Variants in ZNF536 observed in about 807,000 individuals in gnomAD.
ZNF536 encodes the protein zinc finger protein 536.
In ZNF536, 13 loss-of-function variants were observed where a neutral mutation model predicts 84.5. The observed-to-expected ratio is 0.15, with a 90% CI of 0.10 to 0.24. ZNF536 has a LOEUF of 0.24. Among genes scored for constraint, ZNF536 ranks in the 10% least tolerant of loss-of-function variants. The pLI, the probability that ZNF536 is intolerant of heterozygous loss-of-function variation, is 1.00. For missense variants in ZNF536, 1,536 were observed against 1,747.5 expected, an observed-to-expected ratio of 0.88 and a Z score of 2.16; for synonymous variants, 811 against 742.5, an observed-to-expected ratio of 1.09 and a Z score of -1.50.
At chr19:30,668,065 T>C (rs999480135) in intron 1 of ZNF536, among the ~76,000 whole-genome samples, 2 of 152,086 alleles carry the variant, frequency 1.3e-5, no homozygotes, top group South Asian at 4.1e-4. Flanking sequence ...ATAACTGGAG[T>C]GCCCTTCAGA....
At chr19:30,294,257 G>A (rs540488109) in intron 2 of ZNF536, among the ~76,000 whole-genome samples, 9 of 152,294 alleles carry the variant, frequency 5.9e-5, no homozygotes, top group East Asian at 1.9e-4. Flanking sequence ...TGAGGTGGCC[G>A]TGAAGGGGTG....
At chr19:30,297,700 G>A (rs1205164195) in intron 2 of ZNF536, among the ~76,000 whole-genome samples, 1 of 152,188 alleles carries the variant, frequency 6.6e-6, no homozygotes, top group East Asian at 1.9e-4. Context: ...GGAGCTGGGG[G>A]TGGAAATTCT....
intron 2 of ZNF536, among the ~76,000 whole-genome samples, chr19:30,454,890 G>A (rs572505544): frequency 2.2e-4 from 34 of 152,258 alleles, no homozygotes; most frequent in African/African-American, 6.5e-4. Flanking sequence ...AAAATTAACC[G>A]GGCTTGGTTG....
chr19:30,450,329 G>C (rs1032856048), intron 2 of ZNF536, among the ~76,000 whole-genome samples: 13 of 152,126 alleles, frequency 8.5e-5, no homozygotes, highest in Non-Finnish European at 1.9e-4. Context: ...TGGAGGGGGG[G>C]AGAGGGGAGC....
intron 2 of ZNF536, among the ~76,000 whole-genome samples, chr19:30,480,654 A>C (rs770086483): frequency 1.1e-4 from 17 of 152,202 alleles, no homozygotes; most frequent in Admixed American, 2.6e-4. Context: ...ACCATGGCAC[A>C]TGTATACCTA....
chr19:30,516,871 G>T (rs1338205985), intron 2 of ZNF536, among the ~76,000 whole-genome samples: 1 of 152,218 alleles, frequency 6.6e-6, no homozygotes, highest in Non-Finnish European at 1.5e-5. Context: ...CGCTTGAAAG[G>T]CAGGGAGGAG....
At chr19:30,302,481 A>C (rs531036346) in intron 2 of ZNF536, among the ~76,000 whole-genome samples, 3 of 152,156 alleles carry the variant, frequency 2.0e-5, no homozygotes, top group Non-Finnish European at 4.4e-5. Flanking sequence ...ATTTGCACGA[A>C]GACCCGGGTG....
chr19:30,472,463 A>G (rs2053677432), intron 2 of ZNF536, among the ~76,000 whole-genome samples: 1 of 152,114 alleles, frequency 6.6e-6, no homozygotes, highest in Admixed American at 6.5e-5. Context: ...AGATTATGTA[A>G]ACATGTGTGA....
chr19:30,406,430 G>A (rs562581850), intron 1 of ZNF536, among the ~76,000 whole-genome samples: 4 of 152,282 alleles, frequency 2.6e-5, no homozygotes, highest in African/African-American at 9.6e-5. Context: ...AATCCACACC[G>A]CTTTACTCCA....
intron 1 of ZNF536, among the ~76,000 whole-genome samples, chr19:30,631,553 A>G (rs147370364): frequency 6.6e-6 from 1 of 152,306 alleles, no homozygotes; most frequent in Non-Finnish European, 1.5e-5. Context: ...CCTGCCGTAA[A>G]GGAGAAATGC....
rs114363852 is a variant in ZNF536 at position 30,630,435 on chromosome 19, G to T, written c.170-80322G>T. Among the ~76,000 whole-genome samples the T allele has an allele frequency of 2.8e-3, 431 of 151,954 alleles. 1 individual carries two copies. Among genetic ancestry groups the T allele is most frequent in the African/African-American group, 9.3e-3 (387 of 41,410 alleles). ...TGTGTGTGTGTGTGTGTGTGTTTGTGTACCTGCGTGTGTGCACACGTCCTG... is the reference window on the plus strand; with the variant it reads ...TGTGTGTGTGTGTGTGTGTGTTTGTTTACCTGCGTGTGTGCACACGTCCTG... On this transcript the variant is annotated intron_variant, in intron 1 of 1. Coordinates refer to the ZNF536 transcript ENST00000592773.
chr19:30,512,937 C>G (rs1038481185), intron 2 of ZNF536, among the ~76,000 whole-genome samples: 1 of 152,086 alleles, frequency 6.6e-6, no homozygotes, highest in Admixed American at 6.6e-5. Flanking sequence ...GCGCATCAGC[C>G]GGATGGTGTT....
At chr19:30,338,804 A>G (rs2047470733) in intron 2 of ZNF536, among the ~76,000 whole-genome samples, 1 of 152,146 alleles carries the variant, frequency 6.6e-6, no homozygotes, top group African/African-American at 2.4e-5. Context: ...CTTATTGGTT[A>G]TTATATGATT....
chr19:30,599,646 C>T (rs1457024900), intron 1 of ZNF536, among the ~76,000 whole-genome samples: 1 of 151,932 alleles, frequency 6.6e-6, no homozygotes, highest in Non-Finnish European at 1.5e-5. Flanking sequence ...CCTCCCTTTA[C>T]AAGACAAGGC....
intron 2 of ZNF536, among the ~76,000 whole-genome samples, chr19:30,322,505 C>T (rs1354837858): frequency 6.6e-6 from 1 of 152,140 alleles, no homozygotes; most frequent in Non-Finnish European, 1.5e-5. Flanking sequence ...CAGGCGCCTT[C>T]TTGGGAGGGC....
chr19:30,368,123 T>A (rs957324446), upstream of ZNF536, among the ~76,000 whole-genome samples: 7 of 152,030 alleles, frequency 4.6e-5, no homozygotes, highest in Non-Finnish European at 8.8e-5. Flanking sequence ...ATTCTTCTTG[T>A]GATGACAAGG....
At chr19:30,395,088 C>T (rs976728618) in intron 1 of ZNF536, among the ~76,000 whole-genome samples, 2 of 152,156 alleles carry the variant, frequency 1.3e-5, no homozygotes, top group African/African-American at 4.8e-5. Flanking sequence ...GAATGAAGTT[C>T]TAGTCTTCTT....
intron 2 of ZNF536, among the ~76,000 whole-genome samples, chr19:30,517,772 A>G (rs954663234): frequency 7.9e-5 from 12 of 152,140 alleles, no homozygotes; most frequent in Non-Finnish European, 1.5e-4. Context: ...ACAGAGCAAG[A>G]TCCTGTCTCA....
intron 1 of ZNF536, among the ~76,000 whole-genome samples, chr19:30,650,155 T>C (rs2049642656): frequency 6.6e-6 from 1 of 152,236 alleles, no homozygotes. Flanking sequence ...ATGTTTTCAT[T>C]GTGCAGAAAG....
Sources: gnomAD v4.1 joint callset for allele counts (sites outside exome capture counted in the v4.1 genomes callset) on GRCh38, gnomAD v4.1.1 for gene constraint, MANE v1.5 for transcripts, NCBI Gene and HGNC (gene_info 2026-07-23, HGNC 2026-07-21) for gene names.